Variants in ANO6 observed in about 807,000 individuals in gnomAD.
ANO6 encodes the protein anoctamin-6.
A neutral mutation model predicts 117.5 loss-of-function variants in ANO6; 106 were observed. The ratio of observed to expected loss-of-function variants is 0.90; its 90% confidence interval spans 0.77 to 1.06. The LOEUF (loss-of-function observed/expected upper bound fraction) is 1.06, where lower values mean the gene tolerates loss of function less well. Among genes scored for constraint, ANO6 ranks in the 50% least tolerant of loss-of-function variants. ANO6 has a pLI of 0.00. For missense variants in ANO6, 955 were observed against 1,121.1 expected (o/e 0.85, Z 2.12); for synonymous variants, 367 against 385.1 (o/e 0.95, Z 0.55).
chr12:45,270,522 T>G (rs1362231335), intron 1 of ANO6: 13 of 1,140,640 alleles, frequency 1.1e-5, no homozygotes, highest in Non-Finnish European at 1.6e-5. Context: ...CCATCCAGCC[T>G]GGGTAAGATC....
At chr12:45,321,292 G>A (rs909938915) in intron 2 of ANO6, among the ~76,000 whole-genome samples, 1 of 152,098 alleles carries the variant, frequency 6.6e-6, no homozygotes, top group Non-Finnish European at 1.5e-5. Context: ...AAGGTTAGTT[G>A]CAATGTGGAA....
chr12:45,237,013 T>C (rs2137153132), intron 1 of ANO6, among the ~76,000 whole-genome samples: 1 of 152,350 alleles, frequency 6.6e-6, no homozygotes, highest in Admixed American at 6.5e-5. Context: ...TTCTGTTGGC[T>C]GCATAAATGT....
intron 1 of ANO6, among the ~76,000 whole-genome samples, chr12:45,294,243 A>G (rs981179943): frequency 2.0e-5 from 3 of 152,210 alleles, no homozygotes; most frequent in Non-Finnish European, 2.9e-5. Flanking sequence ...CAAGAAGGGT[A>G]GCACAGCAAA....
At chr12:45,237,740 G>T (rs1477972820) in intron 1 of ANO6, among the ~76,000 whole-genome samples, 1 of 152,178 alleles carries the variant, frequency 6.6e-6, no homozygotes, top group East Asian at 1.9e-4. Context: ...CTTTAAAGTA[G>T]TTTTTTCCAA....
At chr12:45,250,590 G>C (rs1947886945) in intron 1 of ANO6, among the ~76,000 whole-genome samples, 1 of 151,586 alleles carries the variant, frequency 6.6e-6, no homozygotes, top group Admixed American at 6.6e-5. Context: ...TGTTGTTGAG[G>C]GGTCGTCTTG....
intron 1 of ANO6, among the ~76,000 whole-genome samples, chr12:45,268,540 A>C (rs1938292652): frequency 6.6e-6 from 1 of 152,124 alleles, no homozygotes; most frequent in Non-Finnish European, 1.5e-5. Flanking sequence ...TAAATAAATA[A>C]ATAAAATACA....
At chr12:45,260,421 G>T (rs768401523) in intron 1 of ANO6, among the ~76,000 whole-genome samples, 2 of 152,200 alleles carry the variant, frequency 1.3e-5, no homozygotes, top group African/African-American at 4.8e-5. Flanking sequence ...TCTCAGACTC[G>T]ATCAGCTTGC....
chr12:45,276,653 C>T (rs534675964), intron 1 of ANO6, among the ~76,000 whole-genome samples: 2 of 152,210 alleles, frequency 1.3e-5, no homozygotes, highest in South Asian at 2.1e-4. Context: ...TATCTCCAAG[C>T]AGAGTCAGTT....
chr12:45,403,090 C>G lies in ANO6; in HGVS notation c.1631C>G (p.Thr544Ser). Reference protein sequence around the residue: ...ITNFELPRTQTDYENSLTMKM... With the variant: ...ITNFELPRTQSDYENSLTMKM... ...ACTACAGAACTCCCAAGGACCCAGA[C>G]TGATTATGAGAACAGCCTCACCATG... The change falls in exon 14 of 20, where the codon ACT (threonine) becomes AGT (serine). Residue 544 changes from threonine to serine, a missense_variant. By Grantham distance (58) the Thr-to-Ser change is moderately conservative (BLOSUM62 1). Coordinates refer to ENST00000320560, the MANE Select transcript of ANO6 (RefSeq NM_001025356.3). The G allele has an allele frequency of 1.2e-6, 2 of 1,613,984 alleles. No individual in the cohort carries two copies. Among genetic ancestry groups the G allele is most frequent in the South Asian group, 1.1e-5 (1 of 91,078 alleles).
Position 45,432,098 on chromosome 12 carries a change from C to G in ANO6, c.*2787C>G. 1.0e-6 allele frequency: 1 copy of G among 985,352 alleles called. No homozygotes were observed. The highest frequency in any genetic ancestry group is 1.2e-6 in the Non-Finnish European group (1 of 829,918). The allele number at this position is 985,352 out of a possible 1,614,324, so 61.0% of individuals were successfully genotyped here. On this transcript the variant is annotated 3_prime_UTR_variant, in exon 20 of 20. Coordinates refer to ENST00000320560, the MANE Select transcript of ANO6 (RefSeq NM_001025356.3). The stretch of plus-strand genomic sequence containing the variant: ...TTCACAATGGGGGTCAGAATGTACT[C>G]TTGTTGAAACACTTCTTGTACCATT...
At position 45,432,186 on chromosome 12, in the gene ANO6, T is replaced by G. The variant is rs898083684; in HGVS notation, c.*2875T>G. ...GAGCAGCTTAACTGAAGTAGAACTA[T>G]TCATGATGCTTTTCACACATTGTGG... On this transcript the variant is annotated 3_prime_UTR_variant, in exon 20 of 20. Transcript: ENST00000320560. 17 of 985,094 alleles carry G rather than the reference T, an allele frequency of 1.7e-5. No individual in the cohort carries two copies. The highest frequency in any genetic ancestry group is 2.0e-5 in the Non-Finnish European group (17 of 829,652). 61.0% of individuals were successfully genotyped at this position (985,094 alleles called of 1,614,324 possible). A position where few individuals can be genotyped will look rare whatever the true frequency, so the allele number is the denominator to read the frequency against.
At chr12:45,426,859 A>C (rs1943516502) in intron 19 of ANO6, among the ~76,000 whole-genome samples, 1 of 151,810 alleles carries the variant, frequency 6.6e-6, no homozygotes, top group Admixed American at 6.6e-5. Flanking sequence ...TCTGTATGCT[A>C]AAAGGACCTT....
chr12:45,421,494 TAA>T (rs1202504735), intron 18 of ANO6, among the ~76,000 whole-genome samples: 1 of 152,190 alleles, frequency 6.6e-6, no homozygotes, highest in Non-Finnish European at 1.5e-5. Context: ...GTATATTTAT[TAA>T]AAAGTTAATG....
In ANO6 at chr12:45,416,775, A is replaced by G. The variant is rs779580179; in HGVS notation, c.2088A>G (p.Ile696Met). 2 of 1,613,952 alleles carry G rather than the reference A, an allele frequency of 1.2e-6. No individual in the cohort carries two copies. Among genetic ancestry groups the G allele is most frequent in the African/African-American group, 2.7e-5 (2 of 74,892 alleles). The stretch of plus-strand genomic sequence containing the variant: ...CTCTGTTGGCTCTCGTGAACAATAT[A>G]TTGGAAATAAGAGTGGACGCATGGA... ...LAPLLALVNNILEIRVDAWKL... is the reference protein window; with the variant it reads ...LAPLLALVNNMLEIRVDAWKL... The change falls in exon 17 of 20, where the codon ATA (isoleucine) becomes ATG (methionine). Residue 696 changes from isoleucine (I) to methionine (M), a missense_variant. Transcript: ENST00000320560.
chr12:45,220,673 A>C (rs957877580), intron 1 of ANO6, among the ~76,000 whole-genome samples: 1 of 152,070 alleles, frequency 6.6e-6, no homozygotes, highest in Non-Finnish European at 1.5e-5. Flanking sequence ...TTGGCATGCA[A>C]CTCCTAAAAC....
rs551517877 is a variant in ANO6 at position 45,255,818 on chromosome 12, G to GTTTTTTTTTTTT, written c.70+39436_70+39447dup. On this transcript the variant is annotated intron_variant, in intron 1 of 19. Transcript: ENST00000320560. ...CTGGCCCCAGGTTTTCTCCCTGGGTGTTTTTTTTTTTTTTTTTTTTGAGAC... is the reference window on the plus strand; with the variant it reads ...CTGGCCCCAGGTTTTCTCCCTGGGTGTTTTTTTTTTTTTTTTTTTTTTTTTTTTTTTTGAGAC... 1.3e-3 allele frequency among the ~76,000 whole-genome samples: 108 copies of GTTTTTTTTTTTT among 81,688 alleles called. 3 individuals carry two copies. The highest frequency in any genetic ancestry group is 4.5e-3 in the African/African-American group (99 of 22,236). 53.6% of individuals were successfully genotyped at this position (81,688 alleles called of 152,430 possible). A position where few individuals can be genotyped will look rare whatever the true frequency, so the allele number is the denominator to read the frequency against.
intron 12 of ANO6, 123 bp downstream of exon 12, chr12:45,390,621 C>G: frequency 1.2e-6 from 1 of 861,568 alleles, no homozygotes; most frequent in Non-Finnish European, 1.9e-6. Context: ...TATATGGTCT[C>G]AGAGAGACAG....
At chr12:45,278,458 C>G (rs529673748) in intron 1 of ANO6, among the ~76,000 whole-genome samples, 2 of 152,250 alleles carry the variant, frequency 1.3e-5, no homozygotes, top group African/African-American at 4.8e-5. Context: ...TTCCATGTTT[C>G]CTATTTTTCA....
intron 1 of ANO6, among the ~76,000 whole-genome samples, chr12:45,299,741 A>C (rs1372102985): frequency 6.6e-6 from 1 of 151,970 alleles, no homozygotes; most frequent in Non-Finnish European, 1.5e-5. Flanking sequence ...AGTCCCAGCT[A>C]CTTGGGAGGC....
Sources: gnomAD v4.1 joint callset for allele counts (sites outside exome capture counted in the v4.1 genomes callset) on GRCh38, gnomAD v4.1.1 for gene constraint, MANE v1.5 for transcripts, NCBI Gene and HGNC (gene_info 2026-07-23, HGNC 2026-07-21) for gene names.